The following FRAS1 variants were observed in gnomAD, a reference collection of about 807,000 sequenced individuals.
The protein encoded by FRAS1 is Fraser extracellular matrix complex subunit 1.
Under a neutral mutation model 435.2 loss-of-function variants are expected in FRAS1, and 290 were observed. The observed-to-expected ratio is 0.67, with a 90% CI of 0.61 to 0.73. The LOEUF (loss-of-function observed/expected upper bound fraction) is 0.73, where lower values mean the gene tolerates loss of function less well. FRAS1 is among the 30% of genes least tolerant of loss of function. The pLI is 0.00. For synonymous variants in FRAS1, 1,800 were observed against 1,851.0 expected (o/e 0.97, Z 0.71); for missense variants, 4,860 against 5,001.5 (o/e 0.97, Z 0.85).
At chr4:78,318,076 C>T (rs1044650247) in intron 17 of FRAS1, among the ~76,000 whole-genome samples, 2 of 152,074 alleles carry the variant, frequency 1.3e-5, no homozygotes, top group Non-Finnish European at 1.5e-5. Context: ...TAAGTGAAAT[C>T]AATGTATATT....
chr4:78,102,194 G>A (rs1242669815), intron 2 of FRAS1, among the ~76,000 whole-genome samples: 1 of 152,138 alleles, frequency 6.6e-6, no homozygotes, highest in East Asian at 1.9e-4. Context: ...TGTTGAACAT[G>A]TTTTCTTAGA....
intron 2 of FRAS1, among the ~76,000 whole-genome samples, chr4:78,114,532 A>G (rs1742998037): frequency 6.6e-6 from 1 of 152,114 alleles, no homozygotes; most frequent in Non-Finnish European, 1.5e-5. Context: ...GTTCTCTTGA[A>G]GAGGTCCTTC....
chr4:78,479,988 A>G (rs1396048379), intron 56 of FRAS1, among the ~76,000 whole-genome samples: 1 of 152,218 alleles, frequency 6.6e-6, no homozygotes, highest in Non-Finnish European at 1.5e-5. Flanking sequence ...TATATGATAT[A>G]TTTTGATACA....
intron 2 of FRAS1, among the ~76,000 whole-genome samples, chr4:78,138,971 A>G (rs1720043418): frequency 6.6e-6 from 1 of 152,158 alleles, no homozygotes; most frequent in Non-Finnish European, 1.5e-5. Flanking sequence ...GTGTGTGTAC[A>G]TGTGCTCACA....
rs199918192 is a variant in FRAS1 at position 78,363,605 on chromosome 4, G to A, written c.2515G>A (p.Gly839Arg). ...CCAGAATGCCCACTACCTGCTGCTC[G>A]GGGACCACTGTGTTCCTGACTGCCC... ...RCQNAHYLLLGDHCVPDCPSG... is the reference protein window; with the variant it reads ...RCQNAHYLLLRDHCVPDCPSG... The change falls in exon 21 of 74, where the codon GGG becomes AGG. Residue 839 changes from glycine to arginine, a missense_variant. By Grantham distance (125) the Gly-to-Arg change is moderately radical. Transcript: ENST00000512123. The A allele has an allele frequency of 2.7e-5, 43 of 1,607,864 alleles. No homozygotes were observed. The African/African-American group carries it at 3.3e-4, about 12-fold the overall frequency.
At chr4:78,316,054 A>G (rs1729232296) in intron 16 of FRAS1, among the ~76,000 whole-genome samples, 1 of 152,236 alleles carries the variant, frequency 6.6e-6, no homozygotes, top group Non-Finnish European at 1.5e-5. Flanking sequence ...TGCAGATGTA[A>G]CAGAATCATT....
At chr4:78,493,018 GA>G (rs1305166944) in intron 59 of FRAS1, among the ~76,000 whole-genome samples, 1 of 152,218 alleles carries the variant, frequency 6.6e-6, no homozygotes, top group Non-Finnish European at 1.5e-5. Context: ...CTTCTCAAAA[GA>G]AGACATTTAT....
chr4:78,413,100 A>T lies in FRAS1; in HGVS notation c.4425+15A>T. On this transcript the variant is annotated intron_variant, in intron 32 of 73. Coordinates refer to ENST00000512123, the MANE Select transcript of FRAS1 (RefSeq NM_025074.7). The stretch of plus-strand genomic sequence containing the variant: ...TCCATATGACTGTGAGTTGGGTGGG[A>T]GGCTTGTGGTTTCCACTTAGAGGAG... 1 of 1,520,262 alleles carries T rather than the reference A, an allele frequency of 6.6e-7. No homozygotes were observed. The highest frequency in any genetic ancestry group is 1.2e-5 in the South Asian group (1 of 84,534). 94.2% of individuals were successfully genotyped at this position (1,520,262 alleles called of 1,614,324 possible). A position where few individuals can be genotyped will look rare whatever the true frequency, so the allele number is the denominator to read the frequency against.
rs1011560328 is a variant in FRAS1, at chr4:78,517,128, A to G, written c.10389+1115A>G. 3.9e-5 allele frequency among the ~76,000 whole-genome samples: 6 copies of G among 152,352 alleles called. No individual in the cohort carries two copies. In the East Asian group the frequency reaches 1.2e-3, roughly 29 times the overall value. On this transcript the variant is annotated intron_variant, in intron 66 of 73. Coordinates refer to ENST00000512123, the MANE Select transcript of FRAS1 (RefSeq NM_025074.7). Reference sequence around the variant, plus strand: ...TTCAAATCAGGTTTATCCTCACTGAAGGAGAGAAATTATAGAGGGATTTAC... The same window carrying G: ...TTCAAATCAGGTTTATCCTCACTGAGGGAGAGAAATTATAGAGGGATTTAC...
chr4:78,132,335 A>G (rs1384085893), intron 2 of FRAS1, among the ~76,000 whole-genome samples: 2 of 152,174 alleles, frequency 1.3e-5, no homozygotes, highest in Non-Finnish European at 2.9e-5. Context: ...GTGGTCCATA[A>G]TATGCCCTTT....
At chr4:78,236,216 A>C (rs184640142) in intron 2 of FRAS1, among the ~76,000 whole-genome samples, 24 of 152,234 alleles carry the variant, frequency 1.6e-4, no homozygotes, top group African/African-American at 5.8e-4. Flanking sequence ...GGCCAGGGAG[A>C]TAGGTGAGGA....
chr4:78,492,786 C>T (rs888045626), intron 59 of FRAS1, among the ~76,000 whole-genome samples: 5 of 152,120 alleles, frequency 3.3e-5, no homozygotes, highest in Admixed American at 1.3e-4. Flanking sequence ...GCAATGGCAA[C>T]GAAAGCCAAA....
intron 14 of FRAS1, among the ~76,000 whole-genome samples, chr4:78,307,791 T>C (rs1424915512): frequency 6.6e-6 from 1 of 152,148 alleles, no homozygotes; most frequent in Non-Finnish European, 1.5e-5. Flanking sequence ...GTACCTCAGA[T>C]GGAAATGCAG....
At chr4:78,105,449 T>C (rs1742356752) in intron 2 of FRAS1, among the ~76,000 whole-genome samples, 1 of 152,196 alleles carries the variant, frequency 6.6e-6, no homozygotes, top group Admixed American at 6.5e-5. Context: ...GGAGAGATAC[T>C]CATATCCTAA....
intron 2 of FRAS1, chr4:78,180,757 G>A: frequency 1.1e-6 from 1 of 886,586 alleles, no homozygotes; most frequent in Non-Finnish European, 1.8e-6. Context: ...TGAATGGTAT[G>A]AATGACAGTC....
At chr4:78,314,431 G>A (rs895342626) in intron 15 of FRAS1, among the ~76,000 whole-genome samples, 5 of 151,988 alleles carry the variant, frequency 3.3e-5, no homozygotes, top group African/African-American at 9.7e-5. Context: ...AACCTCCACG[G>A]CTCTAATTCA....
intron 2 of FRAS1, among the ~76,000 whole-genome samples, chr4:78,224,100 G>A (rs1330123031): frequency 6.6e-6 from 1 of 152,150 alleles, no homozygotes; most frequent in African/African-American, 2.4e-5. Flanking sequence ...GAGGATCCCT[G>A]ATTCCCTCCC....
At chr4:78,315,989 T>C (rs1231318710) in intron 16 of FRAS1, among the ~76,000 whole-genome samples, 1 of 152,238 alleles carries the variant, frequency 6.6e-6, no homozygotes, top group Admixed American at 6.5e-5. Flanking sequence ...TTTGGTCCTT[T>C]TGAAATGCCC....
chr4:78,235,158 C>A (rs535930002), intron 2 of FRAS1, among the ~76,000 whole-genome samples: 1 of 152,266 alleles, frequency 6.6e-6, no homozygotes, highest in East Asian at 1.9e-4. Flanking sequence ...ACCCATATTA[C>A]AGAGGGTCAT....
Sources: allele counts gnomAD v4.1 joint callset (sites outside exome capture counted in the v4.1 genomes callset), GRCh38; gene constraint gnomAD v4.1.1; transcripts MANE v1.5; gene names NCBI Gene and HGNC (gene_info 2026-07-23, HGNC 2026-07-21).